The following COX10 variants were observed in gnomAD, a reference collection of about 807,000 sequenced individuals.
The protein encoded by COX10 is cytochrome c oxidase assembly factor heme A:farnesyltransferase COX10, also known as protoheme IX farnesyltransferase, mitochondrial.
Under a neutral mutation model 37.3 loss-of-function variants are expected in COX10, and 27 were observed. The ratio of observed to expected loss-of-function variants is 0.72; its 90% CI spans 0.53 to 1.00. The LOEUF is 1.00. Ranked by LOEUF, COX10 falls within the 50% of genes least tolerant of loss-of-function variation. The probability of loss-of-function intolerance (pLI) is 0.00; values close to 1 mark genes in which losing one functional copy is unlikely to be tolerated. For missense variants in COX10, 475 were observed against 563.2 expected (o/e 0.84, Z 1.59); for synonymous variants, 222 against 229.1 (o/e 0.97, Z 0.28).
intron 4 of COX10, among the ~76,000 whole-genome samples, chr17:14,152,226 CA>C (rs1904924717): frequency 6.6e-6 from 1 of 152,128 alleles, no homozygotes; most frequent in African/African-American, 2.4e-5. Context: ...GGGCAATTTA[CA>C]AAAGGAAGAG....
intron 6 of COX10, among the ~76,000 whole-genome samples, chr17:14,198,326 T>G (rs1181393071): frequency 6.6e-6 from 1 of 152,200 alleles, no homozygotes; most frequent in Non-Finnish European, 1.5e-5. Context: ...TTAGTGTATC[T>G]CAGAGGCTTT....
At chr17:14,126,625 G>A (rs2142216328) in intron 4 of COX10, among the ~76,000 whole-genome samples, 1 of 152,166 alleles carries the variant, frequency 6.6e-6, no homozygotes, top group Admixed American at 6.5e-5. Context: ...TCACAGTTTT[G>A]TTCCTCTTAT....
intron 3 of COX10, among the ~76,000 whole-genome samples, chr17:14,093,343 T>C (rs1232661571): frequency 6.6e-6 from 1 of 152,172 alleles, no homozygotes; most frequent in Non-Finnish European, 1.5e-5. Flanking sequence ...TTTAACGTAA[T>C]CTTTACAGTT....
chr17:14,090,283 G>T (rs1344927681), intron 3 of COX10, among the ~76,000 whole-genome samples: 1 of 151,912 alleles, frequency 6.6e-6, no homozygotes, highest in Admixed American at 6.6e-5. Flanking sequence ...AAGCATTGTA[G>T]CATCTTATTT....
chr17:14,089,176 C>T (rs762041029), intron 3 of COX10, among the ~76,000 whole-genome samples: 2 of 152,166 alleles, frequency 1.3e-5, no homozygotes, highest in African/African-American at 2.4e-5. Flanking sequence ...TCAGTACATC[C>T]CCTTCTTGGA....
At chr17:14,074,826 A>G (rs571085275) in intron 2 of COX10, among the ~76,000 whole-genome samples, 71 of 152,298 alleles carry the variant, frequency 4.7e-4, no homozygotes, top group African/African-American at 1.7e-3. Context: ...TAACAGTGTG[A>G]CCCTCTCATT....
intron 5 of COX10, among the ~76,000 whole-genome samples, chr17:14,168,519 C>T (rs2856179): frequency 0.58 from 88,078 of 152,108 alleles, 25,945 homozygotes; most frequent in East Asian, 0.63. Flanking sequence ...CATGAGGGCT[C>T]AGCCCTTGCA....
chr17:14,206,324 C>T (rs1380861738), intron 6 of COX10, among the ~76,000 whole-genome samples: 5 of 152,232 alleles, frequency 3.3e-5, no homozygotes, highest in Admixed American at 1.3e-4. Flanking sequence ...GCCACACACC[C>T]GGGTCCCAGC....
Position 14,158,537 on chromosome 17 carries a change from A to G in COX10, c.625-1340A>G, listed in dbSNP as rs368219654. The stretch of plus-strand genomic sequence containing the variant: ...ATAGAACACATATTGAGTACAACAC[A>G]CTCTACAAAGAGCTATGATTCATAC... On this transcript the variant is annotated intron_variant, in intron 4 of 6. Coordinates refer to ENST00000261643, the MANE Select transcript of COX10 (RefSeq NM_001303.4). 5.3e-5 allele frequency among the ~76,000 whole-genome samples: 8 copies of G among 151,914 alleles called. No homozygotes were observed. In the East Asian group the frequency reaches 1.3e-3, roughly 26 times the overall value.
In COX10 at chr17:14,103,700, G is replaced by GA. The variant is rs1338815292; in HGVS notation, c.624+1465dup. Among the ~76,000 whole-genome samples the GA allele has an allele frequency of 3.3e-5, 5 of 151,914 alleles. 1 individual carries two copies. In the East Asian group the frequency reaches 5.8e-4, roughly 18 times the overall value. ...AATAGGTAGCTCAAGAATTTATCAT[G>GA]AAAAAAACCTCTCAGTTGGATCAAG... is the stretch of plus-strand genomic sequence containing the variant. On this transcript the variant is annotated intron_variant, in intron 4 of 6. Transcript: ENST00000261643.
At chr17:14,077,183 T>A in intron 3 of COX10, 127 bp downstream of exon 3, 1 of 843,976 alleles carries the variant, frequency 1.2e-6, no homozygotes, top group African/African-American at 1.7e-5. Flanking sequence ...ATTTTTCCTC[T>A]CTTCAATTTA....
intron 5 of COX10, among the ~76,000 whole-genome samples, chr17:14,183,050 A>G (rs547259364): frequency 6.6e-6 from 1 of 150,798 alleles, no homozygotes; most frequent in Non-Finnish European, 1.5e-5. Flanking sequence ...AAAAGGAGAA[A>G]AAAATAATTC....
In COX10 at chr17:14,208,208, G is replaced by A. The variant is rs996686074; in HGVS notation, c.*995G>A. On this transcript the variant is annotated 3_prime_UTR_variant, in exon 7 of 7. Transcript: ENST00000261643. ...AATTCAGAAATTAGCCTCCACATGT[G>A]CAATGGCTTTAAGAGCCAGAAGCAG... is the stretch of plus-strand genomic sequence containing the variant. 2 of 152,238 alleles carry A rather than the reference G, an allele frequency of 1.3e-5. No individual in the cohort carries two copies. The highest frequency in any genetic ancestry group is 6.5e-5 in the Admixed American group (1 of 15,288). 9.4% of individuals were successfully genotyped at this position (152,238 alleles called of 1,614,324 possible). A position where few individuals can be genotyped will look rare whatever the true frequency, so the allele number is the denominator to read the frequency against.
intron 5 of COX10, among the ~76,000 whole-genome samples, chr17:14,189,201 G>A (rs1357696057): frequency 6.6e-6 from 1 of 150,826 alleles, no homozygotes; most frequent in African/African-American, 2.4e-5. Context: ...CACCCACTGA[G>A]TGGAAAGTTA....
chr17:14,088,452 AT>A (rs1021029459), intron 3 of COX10, among the ~76,000 whole-genome samples: 1 of 151,136 alleles, frequency 6.6e-6, no homozygotes, highest in African/African-American at 2.4e-5. Flanking sequence ...AAAAAAAAAA[AT>A]TTAGCTAGGC....
chr17:14,127,427 T>C (rs1246240557), intron 4 of COX10, among the ~76,000 whole-genome samples: 1 of 152,156 alleles, frequency 6.6e-6, no homozygotes, highest in Non-Finnish European at 1.5e-5. Flanking sequence ...ACATACTGAG[T>C]GCAGGGAAGG....
At chr17:14,121,888 A>G (rs150592391) in intron 4 of COX10, among the ~76,000 whole-genome samples, 1 of 152,244 alleles carries the variant, frequency 6.6e-6, no homozygotes, top group Non-Finnish European at 1.5e-5. Flanking sequence ...TAGTCGAAGA[A>G]ATAACCTGAG....
intron 2 of COX10, 149 bp downstream of exon 2, chr17:14,074,605 G>T (rs1915101895): frequency 1.2e-6 from 1 of 814,194 alleles, no homozygotes. Flanking sequence ...CAAATGTCTT[G>T]TTTTGATTAT....
At chr17:14,099,673 A>G (rs1379896061) in intron 3 of COX10, among the ~76,000 whole-genome samples, 7 of 151,898 alleles carry the variant, frequency 4.6e-5, no homozygotes, top group Admixed American at 4.6e-4. Context: ...ACTTTTTCAC[A>G]TACTTCTCTG....
Sources: allele counts gnomAD v4.1 joint callset (sites outside exome capture counted in the v4.1 genomes callset), GRCh38; gene constraint gnomAD v4.1.1; transcripts MANE v1.5; gene names NCBI Gene and HGNC (gene_info 2026-07-23, HGNC 2026-07-21).